The following KIAA1217 variants were observed in gnomAD, a reference collection of about 807,000 sequenced individuals.
KIAA1217 encodes the protein KIAA1217.
A neutral mutation model predicts 163.9 loss-of-function variants in KIAA1217; 88 were observed. The observed-to-expected ratio is 0.54, with a 90% CI of 0.45 to 0.64. The LOEUF (loss-of-function observed/expected upper bound fraction) is 0.64, where lower values mean the gene tolerates loss of function less well. Ranked by LOEUF, KIAA1217 falls within the 30% of genes least tolerant of loss-of-function variation. KIAA1217 has a pLI of 0.00. For synonymous variants in KIAA1217, 903 were observed against 923.1 expected (o/e 0.98, Z 0.39); for missense variants, 2,372 against 2,475.0 (o/e 0.96, Z 0.88).
chr10:23,790,427 A>G (rs1275963827), intron 1 of KIAA1217, among the ~76,000 whole-genome samples: 5 of 101,610 alleles, frequency 4.9e-5, no homozygotes, highest in African/African-American at 1.3e-4. Flanking sequence ...ATATACATAT[A>G]TACATATACA....
chr10:24,310,956 C>A (rs1042076442), intron 2 of KIAA1217, among the ~76,000 whole-genome samples: 4 of 152,240 alleles, frequency 2.6e-5, no homozygotes, highest in East Asian at 1.9e-4. Flanking sequence ...CAAGATTGTA[C>A]CACTGCACTC....
At chr10:24,045,292 G>C (rs2131566790) in intron 2 of KIAA1217, among the ~76,000 whole-genome samples, 1 of 151,854 alleles carries the variant, frequency 6.6e-6, no homozygotes, top group South Asian at 2.1e-4. Flanking sequence ...CTTTATCCTT[G>C]ATGTTCTGAA....
At chr10:23,919,478 T>TG (rs1189049470) in intron 1 of KIAA1217, among the ~76,000 whole-genome samples, 1 of 151,624 alleles carries the variant, frequency 6.6e-6, no homozygotes, top group Non-Finnish European at 1.5e-5. Flanking sequence ...CAGTGGCATG[T>TG]GTCTGTAATC....
chr10:24,397,833 A>G (rs2056017940), intron 3 of KIAA1217, among the ~76,000 whole-genome samples: 1 of 152,168 alleles, frequency 6.6e-6, no homozygotes, highest in Admixed American at 6.5e-5. Context: ...ACCTGTAGCT[A>G]CAGCTGTTCC....
chr10:24,410,434 A>G (rs954922475), intron 3 of KIAA1217, among the ~76,000 whole-genome samples: 2 of 152,182 alleles, frequency 1.3e-5, no homozygotes, highest in Admixed American at 6.5e-5. Flanking sequence ...GCAAATCTTG[A>G]CTGCAGTCCA....
intron 1 of KIAA1217, among the ~76,000 whole-genome samples, chr10:23,797,665 T>G (rs1037724606): frequency 1.3e-5 from 2 of 152,040 alleles, no homozygotes; most frequent in African/African-American, 4.8e-5. Context: ...AAAGGGGAAG[T>G]GCCACACCCA....
intron 1 of KIAA1217, among the ~76,000 whole-genome samples, chr10:23,898,782 C>G (rs1469329119): frequency 1.3e-5 from 2 of 152,092 alleles, no homozygotes; most frequent in Non-Finnish European, 1.5e-5. Flanking sequence ...TACTTTCTGT[C>G]TCAATGAATT....
chr10:23,736,559 G>T (rs899936221), intron 1 of KIAA1217, among the ~76,000 whole-genome samples: 1 of 152,140 alleles, frequency 6.6e-6, no homozygotes, highest in African/African-American at 2.4e-5. Flanking sequence ...GTCTCGCTTT[G>T]TCACCCAGGC....
At chr10:24,224,254 T>A (rs932232966) in intron 2 of KIAA1217, among the ~76,000 whole-genome samples, 22 of 152,236 alleles carry the variant, frequency 1.4e-4, no homozygotes, top group African/African-American at 5.3e-4. Context: ...TTGGTTTGGA[T>A]GCAGGTGGGA....
At chr10:24,525,969 C>T (rs991390176) in intron 13 of KIAA1217, among the ~76,000 whole-genome samples, 9 of 152,212 alleles carry the variant, frequency 5.9e-5, no homozygotes, top group Admixed American at 2.0e-4. Context: ...CTAGCCTGGG[C>T]GACAGAGTGA....
intron 2 of KIAA1217, among the ~76,000 whole-genome samples, chr10:24,086,416 G>C (rs942472163): frequency 2.4e-4 from 36 of 152,336 alleles, no homozygotes; most frequent in Admixed American, 1.3e-4. Context: ...GTGAATGATT[G>C]TTGGCCTGAT....
chr10:23,869,947 T>C (rs1840380733), intron 1 of KIAA1217, among the ~76,000 whole-genome samples: 1 of 152,160 alleles, frequency 6.6e-6, no homozygotes. Flanking sequence ...ATGTAAACTG[T>C]AGTAAATAAT....
chr10:24,314,872 A>G (rs558629506), intron 2 of KIAA1217, among the ~76,000 whole-genome samples: 69 of 152,306 alleles, frequency 4.5e-4, no homozygotes, highest in Non-Finnish European at 8.5e-4. Flanking sequence ...TGAACCCAGG[A>G]GGCAGAGCTT....
intron 4 of KIAA1217, among the ~76,000 whole-genome samples, chr10:24,437,906 C>CAAAAAAAAAAAA (rs58645832): frequency 2.5e-4 from 16 of 63,690 alleles, no homozygotes; most frequent in African/African-American, 9.4e-4. Context: ...TGTTTGAAGG[C>CAAAAAAAAAAAA]AAAAAAAAAA....
intron 1 of KIAA1217, among the ~76,000 whole-genome samples, chr10:23,914,610 G>A (rs927116157): frequency 5.3e-5 from 8 of 152,052 alleles, no homozygotes; most frequent in African/African-American, 1.9e-4. Context: ...CCACCATGGT[G>A]GGCTGGTTCA....
At chr10:23,702,772 G>A (rs1055328946) in intron 1 of KIAA1217, among the ~76,000 whole-genome samples, 1 of 151,298 alleles carries the variant, frequency 6.6e-6, no homozygotes, top group Non-Finnish European at 1.5e-5. Context: ...TCACTCTACT[G>A]AACAGACAAT....
chr10:24,154,192 C>T (rs1464498614), intron 2 of KIAA1217, among the ~76,000 whole-genome samples: 1 of 151,822 alleles, frequency 6.6e-6, no homozygotes, highest in African/African-American at 2.4e-5. Flanking sequence ...CTCCTGACCT[C>T]GTGATCCGCC....
intron 2 of KIAA1217, among the ~76,000 whole-genome samples, chr10:24,337,640 CTTTTCTTTTCT>C (rs1564496661): frequency 4.1e-5 from 2 of 48,842 alleles, no homozygotes; most frequent in Admixed American, 1.8e-4. Flanking sequence ...CTTTTCTTTT[CTTTTCTTTTCT>C]TTTTTTTTTT....
intron 1 of KIAA1217, among the ~76,000 whole-genome samples, chr10:23,849,400 GC>G (rs1169246934): frequency 6.6e-6 from 1 of 151,988 alleles, no homozygotes; most frequent in Non-Finnish European, 1.5e-5. Context: ...TCTCCTTGGG[GC>G]AAGGACCCTA....
Sources: gnomAD v4.1 joint callset for allele counts (sites outside exome capture counted in the v4.1 genomes callset) on GRCh38, gnomAD v4.1.1 for gene constraint, MANE v1.5 for transcripts, NCBI Gene and HGNC (gene_info 2026-07-23, HGNC 2026-07-21) for gene names.